Variants in FAT3 observed in about 807,000 individuals in gnomAD.
FAT3 encodes the protein protocadherin Fat 3.
FAT3 carries 95 observed loss-of-function variants against 310.2 expected under a neutral mutation model. The ratio of observed to expected loss-of-function variants is 0.31; its 90% CI spans 0.26 to 0.36. FAT3 has a LOEUF of 0.36. Among genes scored for constraint, FAT3 ranks in the 10% least tolerant of loss-of-function variants. The probability of loss-of-function intolerance (pLI) is 1.00; values close to 1 mark genes in which losing one functional copy is unlikely to be tolerated. For missense variants in FAT3, 5,408 were observed against 5,715.6 expected (o/e 0.95, Z 1.74); for synonymous variants, 2,314 against 2,192.9 (o/e 1.06, Z -1.54).
At chr11:92,418,108 G>A (rs143034166) in intron 2 of FAT3, among the ~76,000 whole-genome samples, 120 of 152,230 alleles carry the variant, frequency 7.9e-4, no homozygotes, top group Non-Finnish European at 1.4e-3. Context: ...ATGAGTTTTT[G>A]TATGTAGATT....
intron 2 of FAT3, among the ~76,000 whole-genome samples, chr11:92,515,526 TATAA>T (rs1953450520): frequency 1.3e-5 from 2 of 152,138 alleles, no homozygotes; most frequent in African/African-American, 4.8e-5. Flanking sequence ...CTGGGTTTTG[TATAA>T]ATATTGATTA....
chr11:92,840,096 T>C (rs1288803900), intron 17 of FAT3, among the ~76,000 whole-genome samples: 2 of 152,206 alleles, frequency 1.3e-5, no homozygotes, highest in East Asian at 3.9e-4. Context: ...GTTGCCAGGA[T>C]GTCCCCCCAA....
chr11:92,807,602 A>G (rs1266442250), intron 12 of FAT3, among the ~76,000 whole-genome samples: 1 of 152,190 alleles, frequency 6.6e-6, no homozygotes, highest in Non-Finnish European at 1.5e-5. Context: ...CGAAAACCAG[A>G]CAGCAATTTA....
At position 92,888,930 on chromosome 11, in the gene FAT3, T is replaced by C. The variant is rs570371564; in HGVS notation, c.13052-259T>C. On this transcript the variant is annotated intron_variant, in intron 25 of 27. Transcript: ENST00000525166. ...GAGGGGTGACTTTATGACTCAGCAA[T>C]CATGACCTATCCTGCCTTTCAGGAG... Among the ~76,000 whole-genome samples, 6 of 152,328 alleles carry C rather than the reference T, an allele frequency of 3.9e-5. No individual in the cohort carries two copies. The South Asian group carries it at 1.2e-3, about 32-fold the overall frequency.
chr11:92,461,748 G>A (rs148695979), intron 2 of FAT3, among the ~76,000 whole-genome samples: 1 of 152,328 alleles, frequency 6.6e-6, no homozygotes, highest in East Asian at 1.9e-4. Context: ...GCAGGGACCA[G>A]ATGACATACA....
At chr11:92,506,975 A>G (rs1416635454) in intron 2 of FAT3, among the ~76,000 whole-genome samples, 1 of 152,184 alleles carries the variant, frequency 6.6e-6, no homozygotes, top group African/African-American at 2.4e-5. Context: ...CTGTGAGTCA[A>G]CATCCATGCA....
intron 3 of FAT3, among the ~76,000 whole-genome samples, chr11:92,592,600 G>A (rs770816580): frequency 5.3e-5 from 8 of 151,676 alleles, no homozygotes; most frequent in African/African-American, 9.7e-5. Context: ...GATTACAGGC[G>A]TGAGCCACCA....
chr11:92,706,620 C>T (rs952626562), intron 4 of FAT3, among the ~76,000 whole-genome samples: 2 of 152,122 alleles, frequency 1.3e-5, no homozygotes, highest in African/African-American at 2.4e-5. Flanking sequence ...TGTCAGCCAA[C>T]GAACCCCTGT....
At chr11:92,453,045 A>G (rs1255818342) in intron 2 of FAT3, among the ~76,000 whole-genome samples, 2 of 152,102 alleles carry the variant, frequency 1.3e-5, no homozygotes, top group African/African-American at 4.8e-5. Flanking sequence ...AAGTGTTGGG[A>G]TTACAGGTGT....
At chr11:92,579,531 C>A (rs1004514303) in intron 3 of FAT3, among the ~76,000 whole-genome samples, 5 of 152,008 alleles carry the variant, frequency 3.3e-5, no homozygotes, top group African/African-American at 9.7e-5. Flanking sequence ...AGGGTACATT[C>A]TATCATATAT....
intron 1 of FAT3, among the ~76,000 whole-genome samples, chr11:92,240,486 A>G (rs1054045026): frequency 2.0e-5 from 3 of 151,670 alleles, no homozygotes; most frequent in African/African-American, 7.3e-5. Flanking sequence ...GCATTCTTCC[A>G]TGGTAGAGGT....
chr11:92,521,981 G>A (rs1471370697), intron 2 of FAT3, among the ~76,000 whole-genome samples: 1 of 152,014 alleles, frequency 6.6e-6, no homozygotes, highest in African/African-American at 2.4e-5. Flanking sequence ...TTCTCCAAAG[G>A]ACTGGGAGTC....
At chr11:92,385,695 C>T (rs1218047514) in intron 2 of FAT3, among the ~76,000 whole-genome samples, 1 of 152,110 alleles carries the variant, frequency 6.6e-6, no homozygotes, top group East Asian at 1.9e-4. Context: ...GACACCTCAT[C>T]TCATCAGCAT....
chr11:92,507,829 A>G (rs575255676), intron 2 of FAT3, among the ~76,000 whole-genome samples: 2 of 151,894 alleles, frequency 1.3e-5, no homozygotes, highest in South Asian at 4.2e-4. Flanking sequence ...GCCCCTTATA[A>G]CACACACGCA....
rs747806208 is a variant in FAT3, at chr11:92,697,424, G to T, written c.3648G>T (p.Gln1216His). The change falls in exon 4 of 28, where the codon CAG (glutamine) becomes CAT (histidine). Residue 1216 changes from glutamine (Q) to histidine (H), a missense_variant. Around this residue, in one of 5 missense-constraint regions of FAT3, gnomAD observed 4,588 missense variants for 4,809.8 expected, o/e 0.95. Coordinates refer to ENST00000525166, the MANE Select transcript of FAT3 (RefSeq NM_001367949.2). ...TTTSRKLDRE[Q>H]QAEHFLEVTV... ...CTTCAAGGAAATTGGATCGAGAACA[G>T]CAGGCAGAACATTTTCTGGAGGTAA... 1 of 1,613,848 alleles carries T rather than the reference G, an allele frequency of 6.2e-7. No individual in the cohort carries two copies. Among genetic ancestry groups the T allele is most frequent in the Admixed American group, 1.7e-5 (1 of 60,014 alleles).
At chr11:92,868,124 C>T (rs1949294582) in intron 22 of FAT3, among the ~76,000 whole-genome samples, 1 of 152,186 alleles carries the variant, frequency 6.6e-6, no homozygotes, top group Admixed American at 6.5e-5. Flanking sequence ...TTTGCAGAGT[C>T]GCTCAGCAGT....
chr11:92,409,094 C>A (rs1438681041), intron 2 of FAT3, among the ~76,000 whole-genome samples: 1 of 152,136 alleles, frequency 6.6e-6, no homozygotes, highest in African/African-American at 2.4e-5. Flanking sequence ...GACTATACAT[C>A]TTCTCTGGGC....
chr11:92,377,832 G>A (rs1295825851), intron 2 of FAT3, among the ~76,000 whole-genome samples: 3 of 152,212 alleles, frequency 2.0e-5, no homozygotes, highest in African/African-American at 7.2e-5. Flanking sequence ...GCAGCTCAGT[G>A]TCTATCTCTG....
chr11:92,264,126 A>G (rs768521283), intron 1 of FAT3, among the ~76,000 whole-genome samples: 18 of 152,116 alleles, frequency 1.2e-4, no homozygotes, highest in Non-Finnish European at 2.1e-4. Flanking sequence ...TACTTTGTGC[A>G]TTCAAGGTCT....
Sources: allele counts gnomAD v4.1 joint callset (sites outside exome capture counted in the v4.1 genomes callset), GRCh38; gene constraint gnomAD v4.1.1; regional missense constraint gnomAD v4.1.1; transcripts MANE v1.5; gene names NCBI Gene and HGNC (gene_info 2026-07-23, HGNC 2026-07-21).